Variants in MYH10 observed in about 807,000 individuals in gnomAD.
MYH10 encodes the protein myosin heavy chain 10.
MYH10 carries 55 observed loss-of-function variants against 257.8 expected under a neutral mutation model. That is an observed-to-expected ratio of 0.21 (90% CI 0.17 to 0.27). MYH10 has a LOEUF of 0.27. Among genes scored for constraint, MYH10 ranks in the 10% least tolerant of loss-of-function variants. MYH10 has a pLI of 1.00. For missense variants in MYH10, 1,631 were observed against 2,500.6 expected (o/e 0.65, Z 7.42); for synonymous variants, 854 against 921.7 (o/e 0.93, Z 1.33).
chr17:8,517,246 CT>C (rs1278680480), intron 21 of MYH10, among the ~76,000 whole-genome samples: 4 of 152,222 alleles, frequency 2.6e-5, no homozygotes, highest in Non-Finnish European at 5.9e-5. Context: ...CCATGCTACT[CT>C]TTTTACTCTG....
At chr17:8,549,167 T>C (rs953699259) in intron 9 of MYH10, among the ~76,000 whole-genome samples, 1 of 152,248 alleles carries the variant, frequency 6.6e-6, no homozygotes, top group Non-Finnish European at 1.5e-5. Flanking sequence ...TTTAAACTCA[T>C]ATTCTATATT....
intron 4 of MYH10, among the ~76,000 whole-genome samples, chr17:8,587,151 C>T (rs1028203897): frequency 6.6e-6 from 1 of 152,178 alleles, no homozygotes; most frequent in Non-Finnish European, 1.5e-5. Context: ...GGCACCCCCA[C>T]CAACAGTCAG....
intron 3 of MYH10, among the ~76,000 whole-genome samples, chr17:8,591,319 T>C (rs1485617630): frequency 2.0e-5 from 3 of 152,200 alleles, no homozygotes; most frequent in Admixed American, 6.5e-5. Flanking sequence ...CTAGCTTTAA[T>C]AGAGGTCTGC....
At position 8,506,092 on chromosome 17, in the gene MYH10, ATAATT is replaced by A. The variant is rs1287122272; in HGVS notation, c.3386+221_3386+225del. 1 of 442,512 alleles carries A rather than the reference ATAATT, an allele frequency of 2.3e-6. No homozygotes were observed. Among genetic ancestry groups the A allele is most frequent in the Non-Finnish European group, 3.9e-6 (1 of 256,118 alleles). 27.4% of individuals were successfully genotyped at this position (442,512 alleles called of 1,614,324 possible). A position where few individuals can be genotyped will look rare whatever the true frequency, so the allele number is the denominator to read the frequency against. ...TGTGAATTTCCAAGGGTTTCATAAT[ATAATT>A]TGTCATTTTAAAGTATAAATATTGA... On this transcript the variant is annotated intron_variant, in intron 27 of 42. Transcript: ENST00000360416. This position sits in a 1 kb window ranked among gnomAD's most constrained non-coding sequence, Gnocchi z 5.0.
At position 8,545,004 on chromosome 17, in the gene MYH10, G is replaced by A. The variant is rs530653081; in HGVS notation, c.1431+444C>T. Among the ~76,000 whole-genome samples the A allele has an allele frequency of 6.6e-6, 1 of 152,292 alleles. No individual in the cohort carries two copies. The highest frequency in any genetic ancestry group is 1.5e-5 in the Non-Finnish European group (1 of 68,036). On this transcript the variant is annotated intron_variant, in intron 13 of 42. Coordinates refer to ENST00000360416, the MANE Select transcript of MYH10 (RefSeq NM_001256012.3). This position sits in a 1 kb window ranked among gnomAD's most constrained non-coding sequence, Gnocchi z 4.7. ...GGCCCCCTTGATGGTCTCTCGACCT[G>A]GCCCCATGCTCTTCTCCACGTCTCC... is the stretch of plus-strand genomic sequence containing the variant.
chr17:8,504,886 T>C lies in MYH10; in HGVS notation c.3407A>G (p.His1136Arg), dbSNP rs768730655. The C allele has an allele frequency of 6.8e-6, 11 of 1,614,108 alleles. No homozygotes were observed. The highest frequency in any genetic ancestry group is 5.3e-5 in the African/African-American group (4 of 74,938). The change falls in exon 28 of 43, where the codon CAT becomes CGT. Residue 1136 changes from histidine to arginine, a missense_variant. Physicochemically the swap from His to Arg is conservative, Grantham distance 29. Transcript: ENST00000360416. The surrounding 1 kb of genome is among the most constrained non-coding windows in gnomAD (Gnocchi z 5.6). ...CACAACTTTAAGGGCATTGTTCTTA[T>C]GGAGTGTTTCATCATCACCTCTGTT... ...ALARGDDETL[H>R]KNNALKVVRE...
At chr17:8,601,980 T>TTC (rs1351663249) in intron 3 of MYH10, among the ~76,000 whole-genome samples, 2 of 150,316 alleles carry the variant, frequency 1.3e-5, no homozygotes, top group African/African-American at 4.9e-5. Context: ...ACAGAATCTT[T>TTC]TTTTTTTTTT....
chr17:8,510,968 GT>G (rs1240769789), intron 24 of MYH10, among the ~76,000 whole-genome samples: 1 of 143,300 alleles, frequency 7.0e-6, no homozygotes, highest in Non-Finnish European at 1.5e-5. Context: ...TTTATATGAG[GT>G]GATTATTACA....
chr17:8,482,901 C>G (rs1597601644), intron 37 of MYH10, among the ~76,000 whole-genome samples: 1 of 152,352 alleles, frequency 6.6e-6, no homozygotes, highest in East Asian at 1.9e-4. Flanking sequence ...CACCAATCAA[C>G]TCCATGATGG....
At chr17:8,538,694 A>G (rs1368188338) in intron 14 of MYH10, among the ~76,000 whole-genome samples, 1 of 152,200 alleles carries the variant, frequency 6.6e-6, no homozygotes, top group Non-Finnish European at 1.5e-5. Flanking sequence ...GGAAGAGCCT[A>G]GAAGTGCCAG....
At chr17:8,613,332 A>G (rs1351297694) in intron 2 of MYH10, among the ~76,000 whole-genome samples, 1 of 152,236 alleles carries the variant, frequency 6.6e-6, no homozygotes, top group Non-Finnish European at 1.5e-5. Context: ...TGGAAAAAAA[A>G]GAGTAATGGA....
rs1346347206 is a variant in MYH10, at chr17:8,571,825, C to G, written c.664-2013G>C. Among the ~76,000 whole-genome samples the G allele has an allele frequency of 2.0e-5, 3 of 152,190 alleles. No individual in the cohort carries two copies. In the East Asian group the frequency reaches 5.8e-4, roughly 29 times the overall value. ...CGGTGATAGACTGCCTTCCTCCACC[C>G]CCCCGGGGTCAGCAGTCAGTTCCAT... On this transcript the variant is annotated intron_variant, in intron 6 of 42. Transcript: ENST00000360416.
intron 36 of MYH10, among the ~76,000 whole-genome samples, chr17:8,484,957 GTAAT>G (rs1465776983): frequency 1.3e-5 from 2 of 152,148 alleles, no homozygotes; most frequent in South Asian, 2.1e-4. Context: ...TCTAGCCAGG[GTAAT>G]TAATTAGGCA....
At chr17:8,563,220 G>A (rs1013307197) in intron 7 of MYH10, among the ~76,000 whole-genome samples, 12 of 152,166 alleles carry the variant, frequency 7.9e-5, no homozygotes, top group African/African-American at 2.9e-4. Flanking sequence ...CACCTTAAAT[G>A]CTTTAGCTAT....
At chr17:8,560,478 G>A (rs1461166149) in intron 7 of MYH10, 20 of 485,526 alleles carry the variant, frequency 4.1e-5, no homozygotes, top group Non-Finnish European at 6.7e-5. Context: ...CATGGTCAAC[G>A]CCACTGTGTT....
chr17:8,504,694 C>T lies in MYH10; in HGVS notation c.3599G>A (p.Arg1200His). The change falls in exon 28 of 43, where the codon CGT (arginine) becomes CAT (histidine). Residue 1200 changes from arginine (R) to histidine (H), a missense_variant and splice_region_variant. Arg to His is a conservative substitution (Grantham distance 29, BLOSUM62 0). Around this residue, in one of 11 missense-constraint regions of MYH10, gnomAD observed 7 missense variants for 37.1 expected, o/e 0.19. Transcript: ENST00000360416. This position sits in a 1 kb window ranked among gnomAD's most constrained non-coding sequence, Gnocchi z 5.6. Reference sequence around the variant, plus strand: ...GCCCTGCTTCCTCTCCCACACTCACCGTAGTTCCTGCTGGGCTGCCGTGGT... The same window carrying T: ...GCCCTGCTTCCTCTCCCACACTCACTGTAGTTCCTGCTGGGCTGCCGTGGT... ...LDTTAAQQELRTKREQEVAEL... is the reference protein window; with the variant it reads ...LDTTAAQQELHTKREQEVAEL... 6.2e-7 allele frequency: 1 copy of T among 1,613,708 alleles called. No homozygotes were observed. Among genetic ancestry groups the T allele is most frequent in the Non-Finnish European group, 8.5e-7 (1 of 1,179,952 alleles).
At chr17:8,595,422 G>GTTTTT (rs1164524057) in intron 3 of MYH10, among the ~76,000 whole-genome samples, 1 of 61,180 alleles carries the variant, frequency 1.6e-5, no homozygotes, top group African/African-American at 7.0e-5. Context: ...AGTAAGAACA[G>GTTTTT]TTCTTTTTTT....
At position 8,548,561 on chromosome 17, in the gene MYH10, T is replaced by C. The variant is rs138513742; in HGVS notation, c.1063+83A>G. On this transcript the variant is annotated intron_variant, in intron 10 of 42. Transcript: ENST00000360416. ...TTCATACAATTCATTAGTTTCCCAG[T>C]CATTTTCTAGTTTAGGTGATTTACC... The C allele has an allele frequency of 2.0e-6, 3 of 1,516,878 alleles. No homozygotes were observed. The African/African-American group carries it at 4.2e-5, about 21-fold the overall frequency. The allele number at this position is 1,516,878 out of a possible 1,614,324, so 94.0% of individuals were successfully genotyped here.
chr17:8,501,572 C>T (rs899945441), intron 28 of MYH10, among the ~76,000 whole-genome samples: 1 of 152,148 alleles, frequency 6.6e-6, no homozygotes, highest in African/African-American at 2.4e-5. Flanking sequence ...AGACTCTTAG[C>T]GTCCATGTGA....
Sources: gnomAD v4.1 joint callset for allele counts (sites outside exome capture counted in the v4.1 genomes callset) on GRCh38, gnomAD v4.1.1 for gene constraint, gnomAD v4.1.1 regional missense constraint, Gnocchi (gnomAD v3.1) non-coding constraint, MANE v1.5 for transcripts, NCBI Gene and HGNC (gene_info 2026-07-23, HGNC 2026-07-21) for gene names.